CNKSR3: variants seen among roughly 807,000 people sequenced by gnomAD.
CNKSR3 encodes the protein CNKSR family member 3.
A neutral mutation model predicts 67.7 loss-of-function variants in CNKSR3; 36 were observed. The ratio of observed to expected loss-of-function variants is 0.53; its 90% confidence interval spans 0.41 to 0.70. The LOEUF (loss-of-function observed/expected upper bound fraction) is 0.70, where lower values mean the gene tolerates loss of function less well. Ranked by LOEUF, CNKSR3 falls within the 30% of genes least tolerant of loss-of-function variation. CNKSR3 has a pLI of 0.00. For synonymous variants in CNKSR3, 281 were observed against 271.4 expected (o/e 1.04, Z -0.35); for missense variants, 630 against 695.2 (o/e 0.91, Z 1.05).
At chr6:154,414,881 A>G in intron 9 of CNKSR3, 1 of 454,878 alleles carries the variant, frequency 2.2e-6, no homozygotes, top group Non-Finnish European at 4.5e-6. Flanking sequence ...GGATTGCTTG[A>G]GCTCAGGACT....
At chr6:154,424,800 C>G (rs1163081478) in intron 7 of CNKSR3, among the ~76,000 whole-genome samples, 1 of 152,166 alleles carries the variant, frequency 6.6e-6, no homozygotes, top group Non-Finnish European at 1.5e-5. Flanking sequence ...CAGTCTCACT[C>G]ACGCTCAGTC....
chr6:154,430,668 G>A (rs1785347430), intron 5 of CNKSR3, 77 bp from the exon 6 acceptor site: 1 of 1,356,576 alleles, frequency 7.4e-7, no homozygotes, highest in African/African-American at 1.5e-5. Context: ...TTAGAGAAAT[G>A]CATTTCACCT....
chr6:154,406,799 C>A, intron 12 of CNKSR3, 147 bp from the exon 13 acceptor site: 1 of 693,408 alleles, frequency 1.4e-6, no homozygotes, highest in Non-Finnish European at 2.4e-6. Flanking sequence ...GAAACCCCGT[C>A]TCTACTGAAA....
intron 1 of CNKSR3, among the ~76,000 whole-genome samples, chr6:154,462,760 G>A (rs1356201401): frequency 1.3e-5 from 2 of 152,122 alleles, no homozygotes; most frequent in Non-Finnish European, 2.9e-5. Flanking sequence ...GTATATGAAG[G>A]AGCCCAGCAT....
At position 154,389,833 on chromosome 6, in the gene CNKSR3, A is replaced by G. The variant is rs1474752959; in HGVS notation, c.*16521T>C. ...AAAATAATAAAATACTTGGGAATAA[A>G]CTTAACTAAGGAGGTGAAAGACTTG... On this transcript the variant is annotated 3_prime_UTR_variant, in exon 13 of 13. Transcript: ENST00000607772. 1 of 152,228 alleles carries G rather than the reference A, an allele frequency of 6.6e-6. No individual in the cohort carries two copies. Among genetic ancestry groups the G allele is most frequent in the Non-Finnish European group, 1.5e-5 (1 of 68,040 alleles). The allele number at this position is 152,228 out of a possible 1,614,324, so 9.4% of individuals were successfully genotyped here. A position where few individuals can be genotyped will look rare whatever the true frequency, so the allele number is the denominator to read the frequency against.
chr6:154,492,023 T>C (rs115485554), intron 1 of CNKSR3, among the ~76,000 whole-genome samples: 1,980 of 152,282 alleles, frequency 0.013, 49 homozygotes, highest in African/African-American at 0.046. Flanking sequence ...ACTCATCAGC[T>C]GTGTGTCCCA....
Position 154,510,052 on chromosome 6 carries a change from G to A in CNKSR3, c.52+11C>T. On this transcript the variant is annotated intron_variant, in intron 1 of 12. Coordinates refer to ENST00000607772, the MANE Select transcript of CNKSR3 (RefSeq NM_173515.4). ...GCTGGAGGACTCCGGACCCCCCCAAGGCCCGCGCACCTCTAGTCCAGTCCA... is the reference window on the plus strand; with the variant it reads ...GCTGGAGGACTCCGGACCCCCCCAAAGCCCGCGCACCTCTAGTCCAGTCCA... 1.2e-6 allele frequency: 2 copies of A among 1,613,942 alleles called. No individual in the cohort carries two copies. Among genetic ancestry groups the A allele is most frequent in the Non-Finnish European group, 1.7e-6 (2 of 1,179,914 alleles).
At chr6:154,427,453 T>C (rs987797037) in intron 7 of CNKSR3, among the ~76,000 whole-genome samples, 1 of 152,232 alleles carries the variant, frequency 6.6e-6, no homozygotes, top group Admixed American at 6.5e-5. Context: ...TTCATATCAA[T>C]GTCTTTCAAA....
chr6:154,469,658 T>G (rs1283353040), intron 1 of CNKSR3, among the ~76,000 whole-genome samples: 1 of 152,220 alleles, frequency 6.6e-6, no homozygotes, highest in East Asian at 1.9e-4. Context: ...TCATGTACCA[T>G]AAAATTTTCT....
At chr6:154,501,655 C>G (rs1344467285) in intron 1 of CNKSR3, among the ~76,000 whole-genome samples, 1 of 151,242 alleles carries the variant, frequency 6.6e-6, no homozygotes, top group African/African-American at 2.4e-5. Context: ...GAAAGGCTTT[C>G]TGATGACGTC....
chr6:154,398,368 G>C lies in CNKSR3; in HGVS notation c.*7986C>G, dbSNP rs947249052. The C allele has an allele frequency of 6.6e-6, 1 of 152,192 alleles. No individual in the cohort carries two copies. The highest frequency in any genetic ancestry group is 1.5e-5 in the Non-Finnish European group (1 of 68,048). The allele number at this position is 152,192 out of a possible 1,614,324, so 9.4% of individuals were successfully genotyped here. A position where few individuals can be genotyped will look rare whatever the true frequency, so the allele number is the denominator to read the frequency against. Reference sequence around the variant, plus strand: ...CCCACAAAAGTGATTGTTATGCTGAGCCGAACAACCATTTTTTACTTCCCT... The same window carrying C: ...CCCACAAAAGTGATTGTTATGCTGACCCGAACAACCATTTTTTACTTCCCT... On this transcript the variant is annotated 3_prime_UTR_variant, in exon 13 of 13. Coordinates refer to ENST00000607772, the MANE Select transcript of CNKSR3 (RefSeq NM_173515.4).
chr6:154,509,763 T>G (rs558304368), intron 1 of CNKSR3, among the ~76,000 whole-genome samples: 1 of 151,750 alleles, frequency 6.6e-6, no homozygotes, highest in Non-Finnish European at 1.5e-5. Context: ...CCGGCCCGAG[T>G]GCCGAGTCCC....
At chr6:154,449,196 G>T (rs1785771197) in intron 2 of CNKSR3, among the ~76,000 whole-genome samples, 1 of 152,114 alleles carries the variant, frequency 6.6e-6, no homozygotes, top group South Asian at 2.1e-4. Flanking sequence ...CCATTTTATA[G>T]GTCATGTCAA....
intron 9 of CNKSR3, among the ~76,000 whole-genome samples, chr6:154,419,185 C>T (rs1288933808): frequency 6.6e-6 from 1 of 151,980 alleles, no homozygotes; most frequent in Non-Finnish European, 1.5e-5. Context: ...AGGTACGTGC[C>T]ACCACACCCA....
chr6:154,501,528 C>T (rs1786993795), intron 1 of CNKSR3, among the ~76,000 whole-genome samples: 1 of 152,106 alleles, frequency 6.6e-6, no homozygotes, highest in Non-Finnish European at 1.5e-5. Flanking sequence ...TCAAACTCTC[C>T]AAGCCGGTTC....
chr6:154,482,591 G>A (rs1786587044), intron 1 of CNKSR3, among the ~76,000 whole-genome samples: 1 of 152,160 alleles, frequency 6.6e-6, no homozygotes, highest in African/African-American at 2.4e-5. Context: ...GATTCAAACT[G>A]TGCAGAAATC....
intron 1 of CNKSR3, among the ~76,000 whole-genome samples, chr6:154,456,458 G>A (rs544828727): frequency 6.6e-6 from 1 of 151,380 alleles, no homozygotes; most frequent in East Asian, 1.9e-4. Flanking sequence ...AGCACTTTGA[G>A]AGGCCAAGGA....
At chr6:154,415,479 C>T (rs1470920690) in intron 9 of CNKSR3, among the ~76,000 whole-genome samples, 1 of 152,162 alleles carries the variant, frequency 6.6e-6, no homozygotes. Context: ...GATCCGCCCA[C>T]CTCAGCCTCC....
At chr6:154,425,043 A>AT (rs1462532473) in intron 7 of CNKSR3, among the ~76,000 whole-genome samples, 1 of 152,192 alleles carries the variant, frequency 6.6e-6, no homozygotes, top group African/African-American at 2.4e-5. Context: ...AAGTGCTGAG[A>AT]TTACAGGCGT....
Sources: allele counts gnomAD v4.1 joint callset (sites outside exome capture counted in the v4.1 genomes callset), GRCh38; gene constraint gnomAD v4.1.1; transcripts MANE v1.5; gene names NCBI Gene and HGNC (gene_info 2026-07-23, HGNC 2026-07-21).